Variants in NRXN1 observed in about 807,000 individuals in gnomAD.
The protein encoded by NRXN1 is neurexin 1, also known as neurexin-1.
NRXN1 carries 39 observed loss-of-function variants against 150.9 expected under a neutral mutation model. The ratio of observed to expected loss-of-function variants is 0.26; its 90% CI spans 0.20 to 0.34. The LOEUF (loss-of-function observed/expected upper bound fraction) is 0.34, where lower values mean the gene tolerates loss of function less well. Among genes scored for constraint, NRXN1 ranks in the 10% least tolerant of loss-of-function variants. The probability of loss-of-function intolerance (pLI) is 1.00; values close to 1 mark genes in which losing one functional copy is unlikely to be tolerated. For missense variants in NRXN1, 1,815 were observed against 1,949.9 expected (o/e 0.93, Z 1.30); for synonymous variants, 924 against 757.0 (o/e 1.22, Z -3.62).
At chr2:50,697,260 T>A (rs1220224646) in intron 5 of NRXN1, among the ~76,000 whole-genome samples, 1 of 152,158 alleles carries the variant, frequency 6.6e-6, no homozygotes, top group African/African-American at 2.4e-5. Context: ...ACAGGAAAAG[T>A]TTTTTTAGAA....
At chr2:50,581,892 G>A (rs749352161) in intron 8 of NRXN1, among the ~76,000 whole-genome samples, 4 of 152,064 alleles carry the variant, frequency 2.6e-5, no homozygotes, top group African/African-American at 4.8e-5. Context: ...AACTAGGTGC[G>A]CTTGGAACCA....
At chr2:50,258,827 T>C (rs2067972072) in intron 17 of NRXN1, among the ~76,000 whole-genome samples, 1 of 152,048 alleles carries the variant, frequency 6.6e-6, no homozygotes, top group Non-Finnish European at 1.5e-5. Flanking sequence ...TAAAATTATA[T>C]TAATCCCCAT....
intron 18 of NRXN1, among the ~76,000 whole-genome samples, chr2:50,103,939 C>T (rs1701312285): frequency 6.6e-6 from 1 of 151,972 alleles, no homozygotes. Context: ...CCATAAATGT[C>T]TCATGTTCTG....
intron 21 of NRXN1, among the ~76,000 whole-genome samples, chr2:49,975,032 A>G (rs1678703298): frequency 6.6e-6 from 1 of 151,580 alleles, no homozygotes; most frequent in Non-Finnish European, 1.5e-5. Flanking sequence ...GTTTCCAGTG[A>G]TCATACTGTA....
At chr2:50,611,898 T>A (rs1678209716) in intron 8 of NRXN1, among the ~76,000 whole-genome samples, 1 of 152,170 alleles carries the variant, frequency 6.6e-6, no homozygotes, top group South Asian at 2.1e-4. Flanking sequence ...AAATATTTCC[T>A]GCTGCTTCTT....
At chr2:50,713,461 G>C (rs1375476712) in intron 5 of NRXN1, among the ~76,000 whole-genome samples, 1 of 152,126 alleles carries the variant, frequency 6.6e-6, no homozygotes, top group Non-Finnish European at 1.5e-5. Context: ...GCCTAGATCT[G>C]GCAAGTGCTT....
intron 21 of NRXN1, among the ~76,000 whole-genome samples, chr2:50,030,453 T>C (rs1238262270): frequency 1.3e-5 from 2 of 152,120 alleles, no homozygotes; most frequent in African/African-American, 4.8e-5. Context: ...TAAAACACTT[T>C]ATGTCATGCA....
chr2:50,688,088 A>C (rs750017579), intron 5 of NRXN1, among the ~76,000 whole-genome samples: 5 of 152,190 alleles, frequency 3.3e-5, no homozygotes, highest in Non-Finnish European at 5.9e-5. Flanking sequence ...GGTGAGATAG[A>C]GGTAATCTGG....
chr2:50,849,525 C>T (rs1330272851), intron 5 of NRXN1, among the ~76,000 whole-genome samples: 3 of 152,160 alleles, frequency 2.0e-5, no homozygotes, highest in South Asian at 2.1e-4. Context: ...GGATGACCAA[C>T]GTTACCCAAT....
intron 5 of NRXN1, among the ~76,000 whole-genome samples, chr2:50,835,078 C>T (rs1487070195): frequency 1.3e-5 from 2 of 152,106 alleles, no homozygotes; most frequent in African/African-American, 2.4e-5. Flanking sequence ...CCTCAGACAG[C>T]CCAGGGTGAG....
At chr2:50,594,217 C>T (rs572678204) in intron 8 of NRXN1, among the ~76,000 whole-genome samples, 8 of 152,272 alleles carry the variant, frequency 5.3e-5, no homozygotes, top group African/African-American at 1.7e-4. Context: ...ATATAATTTA[C>T]TACATATCAC....
chr2:50,557,011 T>C (rs1668353807), intron 8 of NRXN1, among the ~76,000 whole-genome samples: 1 of 152,188 alleles, frequency 6.6e-6, no homozygotes, highest in South Asian at 2.1e-4. Flanking sequence ...CAATTTTTGA[T>C]GCCAGGATAT....
At chr2:50,871,085 C>A (rs1364295110) in intron 5 of NRXN1, among the ~76,000 whole-genome samples, 3 of 151,730 alleles carry the variant, frequency 2.0e-5, no homozygotes, top group Non-Finnish European at 4.4e-5. Context: ...TAGGATAAAT[C>A]TTTGTTAATC....
intron 5 of NRXN1, among the ~76,000 whole-genome samples, chr2:50,798,193 T>G (rs564785968): frequency 1.8e-4 from 27 of 152,220 alleles, no homozygotes; most frequent in Admixed American, 1.1e-3. Flanking sequence ...GAAACTCCAA[T>G]AGCAGTAAAA....
Position 50,098,830 on chromosome 2 carries a change from G to GTTTTTTTTTTTTTT in NRXN1, c.3547-7350_3547-7337dup, listed in dbSNP as rs746736925. ...GTGCATGGTTTTGTTTTTGGTTTTA[G>GTTTTTTTTTTTTTT]TTTTTTTTTTTTTTTTTTTTTTTTT... On this transcript the variant is annotated intron_variant, in intron 18 of 22. Transcript: ENST00000401669. Among the ~76,000 whole-genome samples, 25 of 105,554 alleles carry GTTTTTTTTTTTTTT rather than the reference G, an allele frequency of 2.4e-4. 2 individuals are homozygous for GTTTTTTTTTTTTTT. The highest frequency in any genetic ancestry group is 4.5e-4 in the Non-Finnish European group (23 of 51,616). 69.2% of individuals were successfully genotyped at this position (105,554 alleles called of 152,430 possible). A position where few individuals can be genotyped will look rare whatever the true frequency, so the allele number is the denominator to read the frequency against.
intron 18 of NRXN1, among the ~76,000 whole-genome samples, chr2:50,205,965 G>T (rs1357460195): frequency 6.6e-6 from 1 of 151,994 alleles, no homozygotes; most frequent in Admixed American, 6.6e-5. Context: ...GAGAAGGGAT[G>T]TCTTTCAGGG....
intron 12 of NRXN1, among the ~76,000 whole-genome samples, chr2:50,507,573 T>G (rs553623344): frequency 6.8e-6 from 1 of 146,634 alleles, no homozygotes; most frequent in East Asian, 2.0e-4. Flanking sequence ...AGAGACATAT[T>G]ATTTCAGAAA....
At chr2:50,484,309 A>T (rs566583143) in intron 15 of NRXN1, among the ~76,000 whole-genome samples, 80 of 152,214 alleles carry the variant, frequency 5.3e-4, no homozygotes, top group African/African-American at 1.9e-3. Context: ...TGCTCGAAAG[A>T]TGGAATATTA....
At chr2:50,884,849 T>G (rs1445277993) in intron 5 of NRXN1, among the ~76,000 whole-genome samples, 1 of 151,586 alleles carries the variant, frequency 6.6e-6, no homozygotes, top group South Asian at 2.1e-4. Context: ...TACAAACTTT[T>G]TTTTCTATAA....
Sources: allele counts gnomAD v4.1 joint callset (sites outside exome capture counted in the v4.1 genomes callset), GRCh38; gene constraint gnomAD v4.1.1; transcripts MANE v1.5; gene names NCBI Gene and HGNC (gene_info 2026-07-23, HGNC 2026-07-21).